Variants in PTN observed in about 807,000 individuals in gnomAD.
PTN encodes the protein heparin affin regulatory protein.
Under a neutral mutation model 24.1 loss-of-function variants are expected in PTN, and 18 were observed. The ratio of observed to expected loss-of-function variants is 0.75; its 90% confidence interval spans 0.52 to 1.11. The LOEUF is 1.11. PTN is among the 50% of genes least tolerant of loss of function. The pLI is 0.00. For missense variants in PTN, 163 were observed against 198.8 expected, an observed-to-expected ratio of 0.82 and a Z score of 1.08; for synonymous variants, 78 against 68.6, an observed-to-expected ratio of 1.14 and a Z score of -0.67.
chr7:137,293,026 C>T (rs1809665097), intron 1 of PTN, among the ~76,000 whole-genome samples: 1 of 152,126 alleles, frequency 6.6e-6, no homozygotes, highest in Non-Finnish European at 1.5e-5. Context: ...TATCCTTTAC[C>T]CACATGCATA....
intron 4 of PTN, among the ~76,000 whole-genome samples, chr7:137,245,317 A>G (rs751773499): frequency 3.5e-4 from 54 of 152,184 alleles, no homozygotes; most frequent in Admixed American, 1.6e-3. Flanking sequence ...ACCACATAGC[A>G]ATGTTTCAAC....
At chr7:137,338,633 T>C (rs527402247) in intron 1 of PTN, among the ~76,000 whole-genome samples, 1 of 152,354 alleles carries the variant, frequency 6.6e-6, no homozygotes, top group African/African-American at 2.4e-5. Flanking sequence ...TGTTCTTACA[T>C]ATATATTGAG....
intron 1 of PTN, among the ~76,000 whole-genome samples, chr7:137,278,340 G>GAAAAAAC (rs1554466606): frequency 2.1e-5 from 2 of 97,346 alleles, no homozygotes; most frequent in East Asian, 3.3e-4. Flanking sequence ...AAAAAAAAAT[G>GAAAAAAC]ACTACTAATC....
chr7:137,296,592 GA>G (rs1290737345), intron 1 of PTN, among the ~76,000 whole-genome samples: 1 of 152,000 alleles, frequency 6.6e-6, no homozygotes, highest in Non-Finnish European at 1.5e-5. Flanking sequence ...GATTAAAAAT[GA>G]AACCCTCACC....
intron 1 of PTN, among the ~76,000 whole-genome samples, chr7:137,327,391 G>A (rs937570884): frequency 4.6e-4 from 70 of 151,958 alleles, no homozygotes; most frequent in African/African-American, 1.7e-3. Flanking sequence ...CTCACTCTCT[G>A]CACAAATCAG....
At chr7:137,306,835 A>G (rs912380805) in intron 1 of PTN, among the ~76,000 whole-genome samples, 2 of 152,118 alleles carry the variant, frequency 1.3e-5, no homozygotes, top group Non-Finnish European at 1.5e-5. Context: ...AGAGCAACCT[A>G]TTATTAGGTA....
intron 4 of PTN, among the ~76,000 whole-genome samples, chr7:137,244,085 C>T (rs1748323080): frequency 6.6e-6 from 1 of 151,952 alleles, no homozygotes; most frequent in Non-Finnish European, 1.5e-5. Context: ...TTTAATTAAT[C>T]TATATTAATT....
intron 4 of PTN, among the ~76,000 whole-genome samples, chr7:137,233,503 G>A (rs1350758456): frequency 6.6e-6 from 1 of 151,960 alleles, no homozygotes; most frequent in African/African-American, 2.4e-5. Flanking sequence ...GGGTATAAAG[G>A]TGAACAAGAC....
intron 1 of PTN, among the ~76,000 whole-genome samples, chr7:137,340,050 A>G (rs1810509929): frequency 6.6e-6 from 1 of 152,216 alleles, no homozygotes; most frequent in African/African-American, 2.4e-5. Context: ...AGAAAACTGG[A>G]TATGATTTTT....
At chr7:137,314,655 T>C in intron 1 of PTN, among the ~76,000 whole-genome samples, 1 of 121,504 alleles carries the variant, frequency 8.2e-6, no homozygotes, top group Non-Finnish European at 1.7e-5. Context: ...TCCAGCATGG[T>C]GTGATCTCGA....
intron 1 of PTN, among the ~76,000 whole-genome samples, chr7:137,319,130 T>C (rs1810121735): frequency 6.6e-6 from 1 of 152,220 alleles, no homozygotes; most frequent in Non-Finnish European, 1.5e-5. Context: ...ACTTGAGTTC[T>C]GGAGTAATAG....
intron 1 of PTN, among the ~76,000 whole-genome samples, chr7:137,296,326 C>T (rs60901799): frequency 0.06 from 9,102 of 151,936 alleles, 578 homozygotes; most frequent in African/African-American, 0.16. Context: ...GATTAAAATA[C>T]CATATTCCTG....
chr7:137,292,360 G>A (rs1809651659), intron 1 of PTN, among the ~76,000 whole-genome samples: 1 of 152,142 alleles, frequency 6.6e-6, no homozygotes, highest in South Asian at 2.1e-4. Flanking sequence ...GTCACGGGAG[G>A]GACCTGGTGG....
At chr7:137,317,947 C>A (rs1158103432) in intron 1 of PTN, among the ~76,000 whole-genome samples, 1 of 152,080 alleles carries the variant, frequency 6.6e-6, no homozygotes, top group Non-Finnish European at 1.5e-5. Flanking sequence ...ATTTTCTAGA[C>A]AAGATAGACT....
rs146001347 is a variant in PTN at position 137,303,102 on chromosome 7, T to C, written c.-2+40337A>G. 9.2e-5 allele frequency among the ~76,000 whole-genome samples: 14 copies of C among 152,156 alleles called. No individual in the cohort carries two copies. The East Asian group carries it at 2.5e-3, about 27-fold the overall frequency. ...GTATTTTTCATTGTTGCTGTCGTAA[T>C]GGAATTTTATTTTATATGGCTCTGA... On this transcript the variant is annotated intron_variant, in intron 1 of 4. Coordinates refer to ENST00000348225, the MANE Select transcript of PTN (RefSeq NM_002825.7).
At chr7:137,244,845 G>A (rs1003897123) in intron 4 of PTN, among the ~76,000 whole-genome samples, 2 of 152,056 alleles carry the variant, frequency 1.3e-5, no homozygotes, top group Non-Finnish European at 2.9e-5. Context: ...CTGTTAGAAT[G>A]GACTATGATG....
At chr7:137,240,756 G>A (rs994677141) in intron 4 of PTN, among the ~76,000 whole-genome samples, 9 of 152,074 alleles carry the variant, frequency 5.9e-5, no homozygotes, top group African/African-American at 2.2e-4. Context: ...AGTCAGGGTG[G>A]GTCTAAAATT....
At chr7:137,295,906 C>A (rs1809711262) in intron 1 of PTN, among the ~76,000 whole-genome samples, 1 of 151,976 alleles carries the variant, frequency 6.6e-6, no homozygotes, top group East Asian at 1.9e-4. Flanking sequence ...TCAGCCCCTG[C>A]TCCCACCTCT....
chr7:137,314,623 C>T (rs1227128751), intron 1 of PTN, among the ~76,000 whole-genome samples: 23 of 66,188 alleles, frequency 3.5e-4, no homozygotes, highest in Non-Finnish European at 6.2e-4. Flanking sequence ...TAGAGAGTCT[C>T]GCCCTCTCGC....
Sources: gnomAD v4.1 joint callset for allele counts (sites outside exome capture counted in the v4.1 genomes callset) on GRCh38, gnomAD v4.1.1 for gene constraint, MANE v1.5 for transcripts, NCBI Gene and HGNC (gene_info 2026-07-23, HGNC 2026-07-21) for gene names.